Variants in EXD3 observed in about 807,000 individuals in gnomAD.
The protein encoded by EXD3 is exonuclease 3'-5' domain containing 3, also known as exonuclease mut-7 homolog.
In EXD3, 92 loss-of-function variants were observed where a neutral mutation model predicts 98.0. The ratio of observed to expected loss-of-function variants is 0.94; its 90% CI spans 0.79 to 1.12. The LOEUF is 1.12. EXD3 is among the 50% of genes most tolerant of loss of function. The probability of loss-of-function intolerance (pLI) is 0.00; values close to 1 mark genes in which losing one functional copy is unlikely to be tolerated. For missense variants in EXD3, 1,222 were observed against 1,191.6 expected, an observed-to-expected ratio of 1.03 and a Z score of -0.38; for synonymous variants, 569 against 526.0, an observed-to-expected ratio of 1.08 and a Z score of -1.12.
In EXD3 at chr9:137,307,095, A is replaced by C; in HGVS notation, c.2486T>G (p.Phe829Cys). ...GVLRTPGLRCFYCCTGCGKVF... is the reference protein window; with the variant it reads ...GVLRTPGLRCCYCCTGCGKVF... Reference sequence around the variant, plus strand: ...CTTTCCACAGCCCGTGCAGCAGTAGAAGCACCGCAGCCCAGGTGTCCTCAG... The same window carrying C: ...CTTTCCACAGCCCGTGCAGCAGTAGCAGCACCGCAGCCCAGGTGTCCTCAG... The change falls in exon 22 of 22, where the codon TTC becomes TGC. Residue 829 changes from phenylalanine (F) to cysteine (C), a missense_variant. Transcript: ENST00000340951. 1 of 1,610,230 alleles carries C rather than the reference A, an allele frequency of 6.2e-7. No homozygotes were observed. The highest frequency in any genetic ancestry group is 8.5e-7 in the Non-Finnish European group (1 of 1,178,932).
chr9:137,328,601 A>AG (rs1435783826), intron 17 of EXD3, among the ~76,000 whole-genome samples: 653 of 22,672 alleles, frequency 0.029, 28 homozygotes, highest in East Asian at 0.064. Context: ...ACTACACGGG[A>AG]CTACACGGGG....
At chr9:137,373,741 T>A (rs1835759583) in intron 3 of EXD3, 142 bp from the exon 4 acceptor site, 2 of 921,536 alleles carry the variant, frequency 2.2e-6, no homozygotes, top group Non-Finnish European at 3.2e-6. Context: ...TGCGCCTCCG[T>A]GACTTTTCAT....
At chr9:137,328,611 G>A (rs78741416) in intron 17 of EXD3, among the ~76,000 whole-genome samples, 5,473 of 17,642 alleles carry the variant, frequency 0.31, 505 homozygotes, top group East Asian at 0.55. Flanking sequence ...ACTACACGGG[G>A]CTACACGGGA....
At chr9:137,322,292 G>A (rs954892501) in intron 19 of EXD3, among the ~76,000 whole-genome samples, 1 of 151,974 alleles carries the variant, frequency 6.6e-6, no homozygotes, top group African/African-American at 2.4e-5. Flanking sequence ...AGCTGTCCCC[G>A]TGGCCATGCC....
chr9:137,349,872 G>A lies in EXD3; in HGVS notation c.1495-341C>T, dbSNP rs1341236382. On this transcript the variant is annotated intron_variant, in intron 14 of 21. Transcript: ENST00000340951. This position sits in a 1 kb window ranked among gnomAD's most constrained non-coding sequence, Gnocchi z 7.4. ...TTTTATCTTCAGAAGAGGAGCACTGGGTGTGCCGTGCATAAAACAGCAGAA... is the reference window on the plus strand; with the variant it reads ...TTTTATCTTCAGAAGAGGAGCACTGAGTGTGCCGTGCATAAAACAGCAGAA... 2.0e-5 allele frequency among the ~76,000 whole-genome samples: 3 copies of A among 152,072 alleles called. No individual in the cohort carries two copies. The highest frequency in any genetic ancestry group is 1.3e-4 in the Admixed American group (2 of 15,268).
chr9:137,351,942 G>T, intron 12 of EXD3, 124 bp downstream of exon 12: 1 of 1,278,384 alleles, frequency 7.8e-7, no homozygotes. Context: ...GCAGCCCTGG[G>T]GCACCTGGCG....
In EXD3 at chr9:137,367,945, G is replaced by A. The variant is rs377189613; in HGVS notation, c.507C>T (p.Gly169=). 115 of 1,611,856 alleles carry A rather than the reference G, an allele frequency of 7.1e-5. No homozygotes were observed. The highest frequency in any genetic ancestry group is 8.7e-5 in the Non-Finnish European group (103 of 1,179,612). The part of the protein sequence containing the change: ...GATLKLQSEL[G]VEKMSIPLLL... ...TGAGAAAGACGTTCACCTTTTCAAC[G>A]CCAAGCTCCGACTGCAGCTTCAACG... The change falls in exon 6 of 22, where the codon GGC becomes GGT. Residue 169 remains glycine (G), a synonymous_variant. Coordinates refer to ENST00000340951, the MANE Select transcript of EXD3 (RefSeq NM_017820.5).
chr9:137,385,547 T>G lies in EXD3; in HGVS notation c.56-2170A>C, dbSNP rs1480315498. 1.3e-5 allele frequency among the ~76,000 whole-genome samples: 2 copies of G among 152,186 alleles called. No homozygotes were observed. Among genetic ancestry groups the G allele is most frequent in the South Asian group, 2.1e-4 (1 of 4,786 alleles). ...TTTTATTTTGTTATTTAAGTTAATATTTTATTTAGAGACGGAGTCTCACTG... is the reference window on the plus strand; with the variant it reads ...TTTTATTTTGTTATTTAAGTTAATAGTTTATTTAGAGACGGAGTCTCACTG... On this transcript the variant is annotated intron_variant, in intron 2 of 21. Transcript: ENST00000340951. This position sits in a 1 kb window ranked among gnomAD's most constrained non-coding sequence, Gnocchi z 4.4.
chr9:137,376,236 C>T (rs531481027), intron 3 of EXD3, among the ~76,000 whole-genome samples: 7 of 145,948 alleles, frequency 4.8e-5, no homozygotes, highest in African/African-American at 1.3e-4. Context: ...CCCAGCTACT[C>T]GGGAGGCAGA....
At chr9:137,376,121 G>A (rs944200163) in intron 3 of EXD3, among the ~76,000 whole-genome samples, 8 of 152,060 alleles carry the variant, frequency 5.3e-5, no homozygotes, top group Middle Eastern at 3.4e-3. Context: ...GAGGCGGGCA[G>A]ATCACGAGGT....
intron 17 of EXD3, among the ~76,000 whole-genome samples, chr9:137,335,285 C>T (rs1003505827): frequency 6.6e-6 from 1 of 152,044 alleles, no homozygotes; most frequent in Non-Finnish European, 1.5e-5. Context: ...TACAGATACG[C>T]AGCAAACGTG....
intron 1 of EXD3, among the ~76,000 whole-genome samples, chr9:137,422,125 A>C (rs1838553823): frequency 6.6e-6 from 1 of 151,558 alleles, no homozygotes; most frequent in Non-Finnish European, 1.5e-5. Flanking sequence ...AAAAAAAAAA[A>C]AAAAAAAAAC....
intron 20 of EXD3, among the ~76,000 whole-genome samples, chr9:137,309,181 T>C (rs750906101): frequency 6.6e-5 from 10 of 152,226 alleles, no homozygotes; most frequent in Non-Finnish European, 1.2e-4. Context: ...AGAAGCCCTC[T>C]TTCTAGTTTC....
intron 12 of EXD3, among the ~76,000 whole-genome samples, 165 bp from the exon 13 acceptor site, chr9:137,351,693 C>T (rs929729092): frequency 6.6e-6 from 1 of 152,226 alleles, no homozygotes; most frequent in East Asian, 1.9e-4. Flanking sequence ...AAGGCCTGTG[C>T]TCCAGCTGCC....
intron 3 of EXD3, among the ~76,000 whole-genome samples, chr9:137,378,215 T>A (rs116177308): frequency 0.022 from 3,314 of 151,908 alleles, 114 homozygotes; most frequent in African/African-American, 0.074. Flanking sequence ...TATTTTTATT[T>A]ATTTATTATT....
intron 19 of EXD3, among the ~76,000 whole-genome samples, chr9:137,310,232 G>T (rs1348966979): frequency 1.3e-5 from 2 of 152,162 alleles, no homozygotes; most frequent in Non-Finnish European, 2.9e-5. Flanking sequence ...CACAAAACGG[G>T]CCCCCATGGC....
At position 137,352,914 on chromosome 9, in the gene EXD3, G is replaced by C. The variant is rs141273939; in HGVS notation, c.871-128C>G. On this transcript the variant is annotated intron_variant, in intron 10 of 21. Coordinates refer to ENST00000340951, the MANE Select transcript of EXD3 (RefSeq NM_017820.5). ...GAGCACTCGGGGAGGAGGGGCAGCCGTCCACCTGAGGCCTGCAGCATCTGT... is the reference window on the plus strand; with the variant it reads ...GAGCACTCGGGGAGGAGGGGCAGCCCTCCACCTGAGGCCTGCAGCATCTGT... 3 of 1,436,724 alleles carry C rather than the reference G, an allele frequency of 2.1e-6. No homozygotes were observed. The African/African-American group carries it at 4.3e-5, about 21-fold the overall frequency. 89.0% of individuals were successfully genotyped at this position (1,436,724 alleles called of 1,614,324 possible).
At chr9:137,330,002 GCTACACAGGACTACACAGGA>G (rs1436928867) in intron 17 of EXD3, among the ~76,000 whole-genome samples, 1 of 38,872 alleles carries the variant, frequency 2.6e-5, no homozygotes, top group Non-Finnish European at 5.0e-5. Flanking sequence ...CTACACAGGA[GCTACACAGGACTACACAGGA>G]CTACACAGGA....
chr9:137,389,653 G>C (rs78963630), intron 2 of EXD3, among the ~76,000 whole-genome samples: 2,029 of 152,220 alleles, frequency 0.013, 32 homozygotes, highest in African/African-American at 0.046. Flanking sequence ...GGAGCGAGAG[G>C]GACAGAGAGG....
Sources: allele counts gnomAD v4.1 joint callset (sites outside exome capture counted in the v4.1 genomes callset), GRCh38; gene constraint gnomAD v4.1.1; non-coding constraint Gnocchi (gnomAD v3.1); transcripts MANE v1.5; gene names NCBI Gene and HGNC (gene_info 2026-07-23, HGNC 2026-07-21).